The following TIAM1 variants were observed in gnomAD, a reference collection of about 807,000 sequenced individuals.
TIAM1 encodes TIAM Rac1 associated GEF 1.
TIAM1 carries 65 observed loss-of-function variants against 163.5 expected under a neutral mutation model. The observed-to-expected ratio is 0.40, with a 90% CI of 0.33 to 0.49. The LOEUF is 0.49. Ranked by LOEUF, TIAM1 falls within the 20% of genes least tolerant of loss-of-function variation. The probability of loss-of-function intolerance (pLI) is 0.77; values close to 1 mark genes in which losing one functional copy is unlikely to be tolerated. For synonymous variants in TIAM1, 833 were observed against 810.1 expected (o/e 1.03, Z -0.48); for missense variants, 1,789 against 2,044.7 (o/e 0.87, Z 2.41).
chr21:31,162,427 G>A (rs1040026922), intron 16 of TIAM1, among the ~76,000 whole-genome samples: 1 of 151,880 alleles, frequency 6.6e-6, no homozygotes, highest in African/African-American at 2.4e-5. Flanking sequence ...ATTGACCAAA[G>A]GTTATTTTAG....
At chr21:31,451,224 A>G (rs569645808) in intron 2 of TIAM1, among the ~76,000 whole-genome samples, 1 of 152,314 alleles carries the variant, frequency 6.6e-6, no homozygotes, top group African/African-American at 2.4e-5. Context: ...ACCTGGCCAC[A>G]GGCATGCCAC....
intron 2 of TIAM1, among the ~76,000 whole-genome samples, chr21:31,277,462 A>C (rs2073347914): frequency 6.6e-6 from 1 of 152,236 alleles, no homozygotes; most frequent in Admixed American, 6.5e-5. Flanking sequence ...CCTGGCCAAC[A>C]TGGTGAAACC....
chr21:31,505,778 GC>G (rs1410302365), intron 1 of TIAM1, among the ~76,000 whole-genome samples: 1 of 152,096 alleles, frequency 6.6e-6, no homozygotes, highest in African/African-American at 2.4e-5. Flanking sequence ...GCTGAAGCGG[GC>G]GGATCACCTG....
At chr21:31,179,614 A>G (rs1454124364) in intron 15 of TIAM1, among the ~76,000 whole-genome samples, 1 of 151,568 alleles carries the variant, frequency 6.6e-6, no homozygotes, top group Non-Finnish European at 1.5e-5. Flanking sequence ...AAATAATGGC[A>G]GGGTCCATGG....
rs192263984 is a variant in TIAM1 at position 31,177,850 on chromosome 21, C to T, written c.2887+4571G>A. Among the ~76,000 whole-genome samples the T allele has an allele frequency of 8.2e-4, 125 of 152,298 alleles. 2 individuals carry two copies. Among genetic ancestry groups the T allele is most frequent in the African/African-American group, 2.6e-3 (108 of 41,558 alleles). ...AGACTGTGGAGCTCTGCAGGACAAG[C>T]CTCCAGCAGCCAGGTAGCAGCCAGC... On this transcript the variant is annotated intron_variant, in intron 15 of 27. Transcript: ENST00000541036.
rs566868206 is a variant in TIAM1 at position 31,501,209 on chromosome 21, C to T, written c.-421-37174G>A. On this transcript the variant is annotated intron_variant, in intron 1 of 28. Transcript: ENST00000286827. The stretch of plus-strand genomic sequence containing the variant: ...GATGCAGTCCAGAAGGTCAGGACCA[C>T]ACATTCCATTACTGCAGAGGCTGGT... Among the ~76,000 whole-genome samples the T allele has an allele frequency of 2.0e-5, 3 of 152,268 alleles. No homozygotes were observed. In the South Asian group the frequency reaches 6.2e-4, roughly 32 times the overall value.
At chr21:31,254,813 A>G (rs1298000831) in intron 4 of TIAM1, among the ~76,000 whole-genome samples, 3 of 152,208 alleles carry the variant, frequency 2.0e-5, no homozygotes, top group Non-Finnish European at 2.9e-5. Flanking sequence ...CTGCCTGGCA[A>G]AAAGCTAAAA....
intron 1 of TIAM1, among the ~76,000 whole-genome samples, chr21:31,482,149 TAACA>T (rs1490086390): frequency 4.5e-5 from 5 of 112,154 alleles, no homozygotes; most frequent in Non-Finnish European, 7.5e-5. Context: ...TTTCTTACCA[TAACA>T]AACATCCTTT....
intron 2 of TIAM1, among the ~76,000 whole-genome samples, chr21:31,287,335 C>A (rs531118106): frequency 6.6e-6 from 1 of 152,188 alleles, no homozygotes; most frequent in African/African-American, 2.4e-5. Flanking sequence ...ACATTCAGTT[C>A]AACTCAACCA....
Position 31,339,341 on chromosome 21 carries a change from G to A in TIAM1, c.-287C>T. 2 of 398,638 alleles carry A rather than the reference G, an allele frequency of 5.0e-6. No homozygotes were observed. Among genetic ancestry groups the A allele is most frequent in the Non-Finnish European group, 8.8e-6 (2 of 226,088 alleles). The allele number at this position is 398,638 out of a possible 1,614,324, so 24.7% of individuals were successfully genotyped here. A position where few individuals can be genotyped will look rare whatever the true frequency, so the allele number is the denominator to read the frequency against. On this transcript the variant is annotated 5_prime_UTR_variant, in exon 2 of 28. Coordinates refer to ENST00000541036, the MANE Select transcript of TIAM1 (RefSeq NM_001353694.2). ...GAGAGACTAGGATTCAGAGCATTAT[G>A]CCCATGGTACCAACCAGCCTCCTCT...
intron 15 of TIAM1, among the ~76,000 whole-genome samples, chr21:31,166,781 C>T (rs551409647): frequency 6.6e-6 from 1 of 152,296 alleles, no homozygotes; most frequent in Admixed American, 6.5e-5. Flanking sequence ...GGGGCAATGA[C>T]CTAGGTACAG....
chr21:31,205,252 A>C (rs1175949328), intron 11 of TIAM1, among the ~76,000 whole-genome samples: 1 of 152,242 alleles, frequency 6.6e-6, no homozygotes, highest in Non-Finnish European at 1.5e-5. Context: ...TTAGAAGCAA[A>C]AATTTTGGTT....
intron 2 of TIAM1, among the ~76,000 whole-genome samples, chr21:31,303,466 C>T (rs1170155462): frequency 1.3e-5 from 2 of 152,118 alleles, no homozygotes; most frequent in Non-Finnish European, 2.9e-5. Flanking sequence ...GGCTGTATCT[C>T]AGCTTATTGA....
intron 2 of TIAM1, among the ~76,000 whole-genome samples, chr21:31,436,120 C>T (rs988798750): frequency 2.0e-5 from 3 of 152,174 alleles, no homozygotes; most frequent in Non-Finnish European, 4.4e-5. Flanking sequence ...CTCTATTGTC[C>T]CATAGAACTT....
chr21:31,186,356 G>A (rs2085302352), intron 14 of TIAM1, among the ~76,000 whole-genome samples: 1 of 152,174 alleles, frequency 6.6e-6, no homozygotes, highest in Non-Finnish European at 1.5e-5. Flanking sequence ...TTTGACCAGT[G>A]TGGACCAAAG....
At chr21:31,140,974 G>C (rs1440051052) in intron 22 of TIAM1, 144 bp downstream of exon 22, 5 of 616,752 alleles carry the variant, frequency 8.1e-6, no homozygotes, top group Non-Finnish European at 1.4e-5. Context: ...CTTGGATAAA[G>C]CACAGATGTT....
At chr21:31,228,244 A>AGGAG (rs1569068929) in intron 6 of TIAM1, among the ~76,000 whole-genome samples, 1 of 51,904 alleles carries the variant, frequency 1.9e-5, no homozygotes, top group African/African-American at 3.7e-5. Flanking sequence ...AAAAAAAAAA[A>AGGAG]AAAAAAAAAA....
chr21:31,319,382 T>A (rs1479209734), intron 2 of TIAM1, among the ~76,000 whole-genome samples: 1 of 152,156 alleles, frequency 6.6e-6, no homozygotes, highest in African/African-American at 2.4e-5. Flanking sequence ...CAGTAAATTC[T>A]TTTTCACAGT....
At chr21:31,225,016 CTCTATATATA>C (rs921624336) in intron 7 of TIAM1, among the ~76,000 whole-genome samples, 5 of 152,036 alleles carry the variant, frequency 3.3e-5, no homozygotes, top group African/African-American at 1.2e-4. Flanking sequence ...ATATATCTCT[CTCTATATATA>C]TCTATATATA....
Sources: allele counts gnomAD v4.1 joint callset (sites outside exome capture counted in the v4.1 genomes callset), GRCh38; gene constraint gnomAD v4.1.1; transcripts MANE v1.5; gene names NCBI Gene and HGNC (gene_info 2026-07-23, HGNC 2026-07-21).